Variants in BCCIP observed in about 807,000 individuals in gnomAD.
BCCIP encodes the protein BRCA2 and CDKN1A-interacting protein.
Under a neutral mutation model 32.8 loss-of-function variants are expected in BCCIP, and 23 were observed. The ratio of observed to expected loss-of-function variants is 0.70; its 90% CI spans 0.51 to 0.99. BCCIP has a LOEUF of 0.99. Among genes scored for constraint, BCCIP ranks in the 50% least tolerant of loss-of-function variants. The probability of loss-of-function intolerance (pLI) is 0.00; values close to 1 mark genes in which losing one functional copy is unlikely to be tolerated. For missense variants in BCCIP, 378 were observed against 379.8 expected, an observed-to-expected ratio of 1.00 and a Z score of 0.04; for synonymous variants, 144 against 137.6, an observed-to-expected ratio of 1.05 and a Z score of -0.33.
chr10:125,831,121 T>G (rs1046707926), intron 4 of BCCIP, among the ~76,000 whole-genome samples: 1 of 152,384 alleles, frequency 6.6e-6, no homozygotes, highest in Admixed American at 6.5e-5. Context: ...AGTCTTTAAT[T>G]TTGAAATAAA....
At chr10:125,845,156 A>G (rs1028871222), downstream of BCCIP, among the ~76,000 whole-genome samples, 1 of 152,196 alleles carries the variant, frequency 6.6e-6, no homozygotes, top group African/African-American at 2.4e-5. Context: ...GCAGTTCCAG[A>G]GCTGACAGCC....
chr10:125,826,804 A>C (rs1854400168), intron 2 of BCCIP, 139 bp downstream of exon 2: 3 of 1,401,440 alleles, frequency 2.1e-6, no homozygotes, highest in Non-Finnish European at 2.8e-6. Flanking sequence ...GTTTGAGACC[A>C]GCCTGGGCAA....
In BCCIP at chr10:125,831,483, A is replaced by G; in HGVS notation, c.475A>G (p.Lys159Glu). Residue 159 changes from lysine to glutamate, a missense_variant, in exon 5 of 7, where the codon AAG becomes GAG. Lys to Glu is a moderately conservative substitution (Grantham distance 56, BLOSUM62 1). Transcript: ENST00000278100. The part of the protein sequence containing the change: ...VLRFCEKNCE[K>E]SMVEQLDKFL... ...ACGCTTCTGTGAGAAGAACTGTGAA[A>G]AGAGCATGGTTGAACAGCTGGACAA... 1 of 1,614,208 alleles carries G rather than the reference A, an allele frequency of 6.2e-7. No homozygotes were observed. The highest frequency in any genetic ancestry group is 8.5e-7 in the Non-Finnish European group (1 of 1,180,028).
At chr10:125,829,913 G>A (rs1416540086) in intron 3 of BCCIP, among the ~76,000 whole-genome samples, 1 of 152,200 alleles carries the variant, frequency 6.6e-6, no homozygotes, top group Non-Finnish European at 1.5e-5. Context: ...AGACACTTGA[G>A]GTGTCCTGAG....
chr10:125,839,184 A>G (rs1360335221), downstream of BCCIP: 2 of 1,614,136 alleles, frequency 1.2e-6, no homozygotes, highest in Non-Finnish European at 1.7e-6. Flanking sequence ...ACTTTTCCAC[A>G]CAGTCTAGGA....
At chr10:125,841,069 G>T, downstream of BCCIP, 1 of 1,522,104 alleles carries the variant, frequency 6.6e-7, no homozygotes. Context: ...GCAGAGGGGA[G>T]GGGTCACGAC....
chr10:125,827,770 G>A, intron 3 of BCCIP, 132 bp downstream of exon 3: 2 of 626,558 alleles, frequency 3.2e-6, no homozygotes, highest in South Asian at 4.1e-5. Context: ...AGGAGTTCAA[G>A]ACCATCCTGG....
Position 125,836,102 on chromosome 10 carries a change from A to G in BCCIP, c.775-2A>G. On this transcript the variant is annotated splice_acceptor_variant, in intron 6 of 6. Coordinates refer to ENST00000278100, the MANE Select transcript of BCCIP (RefSeq NM_078468.3). LOFTEE classifies it high-confidence loss of function. ...TAATTCATGGTTACTTATTTGGTTT[A>G]GAAGGCAATTCTCAAGTTCAACTAC... is the stretch of plus-strand genomic sequence containing the variant. The G allele has an allele frequency of 6.2e-7, 1 of 1,609,014 alleles. No homozygotes were observed. Among genetic ancestry groups the G allele is most frequent in the Non-Finnish European group, 8.5e-7 (1 of 1,176,046 alleles).
At chr10:125,835,038 C>T (rs1854628086) in intron 6 of BCCIP, among the ~76,000 whole-genome samples, 1 of 151,600 alleles carries the variant, frequency 6.6e-6, no homozygotes, top group Non-Finnish European at 1.5e-5. Context: ...GAGGCTGAGG[C>T]AGGAGAATGG....
chr10:125,829,418 T>C (rs1474244121), intron 3 of BCCIP, among the ~76,000 whole-genome samples: 1 of 152,250 alleles, frequency 6.6e-6, no homozygotes, highest in Non-Finnish European at 1.5e-5. Context: ...TTCAGTCTAA[T>C]GTTCCACTCT....
At chr10:125,832,306 G>A (rs1420115608) in intron 5 of BCCIP, among the ~76,000 whole-genome samples, 1 of 151,278 alleles carries the variant, frequency 6.6e-6, no homozygotes, top group Non-Finnish European at 1.5e-5. Context: ...TCCCAGTGTT[G>A]GGATTACAGG....
At chr10:125,833,510 CATCTG>C (rs1390377295) in intron 5 of BCCIP, among the ~76,000 whole-genome samples, 2 of 152,186 alleles carry the variant, frequency 1.3e-5, no homozygotes, top group Non-Finnish European at 2.9e-5. Flanking sequence ...ATTTGAGACT[CATCTG>C]ATCTGTTAGT....
chr10:125,834,904 G>A (rs1259360664), intron 6 of BCCIP, among the ~76,000 whole-genome samples: 2 of 151,834 alleles, frequency 1.3e-5, no homozygotes, highest in African/African-American at 2.4e-5. Context: ...AGGTCAAGGC[G>A]GGTGGATCAC....
At chr10:125,849,540 CCTT>C (rs917973508) in intron 7 of BCCIP, among the ~76,000 whole-genome samples, 17 of 152,244 alleles carry the variant, frequency 1.1e-4, no homozygotes, top group African/African-American at 3.9e-4. Context: ...AATAGTGTAA[CCTT>C]CATTAACTTA....
chr10:125,836,690 C>T (rs1335998654), downstream of BCCIP: 22 of 1,613,790 alleles, frequency 1.4e-5, no homozygotes, highest in Non-Finnish European at 1.9e-5. Flanking sequence ...TGGGGAGTCA[C>T]TGGAGAGTGC....
At chr10:125,836,877 A>G (rs1458717839), downstream of BCCIP, 8 of 1,608,268 alleles carry the variant, frequency 5.0e-6, no homozygotes, top group Non-Finnish European at 6.8e-6. Flanking sequence ...AGACAAAAAG[A>G]TGAGATTATG....
intron 7 of BCCIP, chr10:125,852,682 C>A: frequency 1.9e-6 from 3 of 1,554,040 alleles, no homozygotes; most frequent in South Asian, 1.2e-5. Flanking sequence ...TCAGATAAGT[C>A]ATGATTCAGT....
At chr10:125,853,329 G>C in exon 8 of BCCIP, 1 of 736,976 alleles carries the variant, frequency 1.4e-6, no homozygotes, top group Non-Finnish European at 2.0e-6. Context: ...GTCAATATTT[G>C]TTAGTTTCGT....
downstream of BCCIP, chr10:125,836,838 G>A (rs771021543): frequency 6.2e-7 from 1 of 1,614,060 alleles, no homozygotes; most frequent in African/African-American, 1.3e-5. Context: ...ATAGTATTGT[G>A]GTACCAGCTG....
Sources: gnomAD v4.1 joint callset for allele counts (sites outside exome capture counted in the v4.1 genomes callset) on GRCh38, gnomAD v4.1.1 for gene constraint, MANE v1.5 for transcripts, NCBI Gene and HGNC (gene_info 2026-07-23, HGNC 2026-07-21) for gene names.